Variants in MAGEB6B observed in about 807,000 individuals in gnomAD.
MAGEB6B encodes MAGE family member B6B, also known as melanoma-associated antigen B6B.
For missense variants in MAGEB6B, 277 were observed against 251.5 expected, an observed-to-expected ratio of 1.10 and a Z score of -0.69; for synonymous variants, 107 against 102.3, an observed-to-expected ratio of 1.05 and a Z score of -0.27.
At chrX:26,160,830 C>A in exon 1 of MAGEB6B, 1 of 615,993 alleles carries the variant, frequency 1.6e-6, no homozygotes, top group Non-Finnish European at 2.8e-6. Context: ...GATGCAGGTG[C>A]TTCATGCTCA....
exon 1 of MAGEB6B, chrX:26,160,664 C>T (rs749257518): frequency 1.7e-6 from 1 of 572,037 alleles, no homozygotes; most frequent in Non-Finnish European, 3.2e-6. Flanking sequence ...CCATGATCAG[C>T]CGCAAGGTCT....
exon 1 of MAGEB6B, chrX:26,161,242 G>A (rs765533141): frequency 2.7e-6 from 2 of 731,818 alleles, no homozygotes; most frequent in Non-Finnish European, 2.2e-6. Flanking sequence ...AGAAGAAAGA[G>A]CCCATTTTGA....
downstream of MAGEB6B, chrX:26,161,903 C>G (rs775643230): frequency 4.5e-4 from 452 of 1,000,427 alleles, no homozygotes; most frequent in Non-Finnish European, 5.9e-4. Context: ...CTAGGGAGGT[C>G]TGAAGTAGAA....
exon 1 of MAGEB6B, chrX:26,160,828 T>C: frequency 1.6e-6 from 1 of 627,956 alleles, no homozygotes; most frequent in Non-Finnish European, 2.8e-6. Context: ...CTGATGCAGG[T>C]GCTTCATGCT....
exon 1 of MAGEB6B, chrX:26,161,513 G>A: frequency 8.3e-7 from 1 of 1,210,177 alleles, no homozygotes; most frequent in Non-Finnish European, 1.1e-6. Context: ...TGCCACTGAA[G>A]AGGAGGTCTG....
chrX:26,161,753 G>A (rs371855458), exon 1 of MAGEB6B: 29 of 1,208,868 alleles, frequency 2.4e-5, no homozygotes, highest in Middle Eastern at 2.3e-4. Context: ...CACCAGTCCC[G>A]GTTTATACCC....
exon 1 of MAGEB6B, chrX:26,161,211 A>G (rs771990544): frequency 1.3e-6 from 1 of 751,500 alleles, no homozygotes; most frequent in Admixed American, 2.2e-5. Context: ...AAGATGGTGC[A>G]ATTCCTGCAG....
chrX:26,162,191 C>T (rs1321870622), downstream of MAGEB6B, among the ~76,000 whole-genome samples: 11 of 111,540 alleles, frequency 9.9e-5, no homozygotes, highest in East Asian at 3.1e-3. Context: ...AAATCATACA[C>T]CATTCATATT....
exon 1 of MAGEB6B, chrX:26,161,057 C>T (rs1396830332): frequency 3.6e-6 from 4 of 1,105,384 alleles, no homozygotes; most frequent in Non-Finnish European, 5.0e-6. Flanking sequence ...GGGAGCTTCA[C>T]CCACTGGCTC....
At chrX:26,161,945 C>A, downstream of MAGEB6B, 2 of 657,840 alleles carry the variant, frequency 3.0e-6, no homozygotes, top group Non-Finnish European at 2.4e-6. Flanking sequence ...GAGTAGTGAG[C>A]CTTCTAAGTA....
In MAGEB6B at chrX:26,160,914, A is replaced by T. The variant is rs749413944; in HGVS notation, c.314A>T (p.Glu105Val). 6.6e-6 allele frequency: 4 copies of T among 607,700 alleles called. No homozygotes were observed. In the Admixed American group the frequency reaches 8.9e-5, roughly 13 times the overall value. 50.1% of individuals were successfully genotyped at this position (607,700 alleles called of 1,213,427 possible). Reference sequence around the variant, plus strand: ...TCCCGTGATGCCTCCGTTTCTCAAGAGTCTCAGGGAGCTTCACCCATTGGC... The same window carrying T: ...TCCCGTGATGCCTCCGTTTCTCAAGTGTCTCAGGGAGCTTCACCCATTGGC... The change falls in exon 1 of 1, where the codon GAG (glutamate) becomes GTG (valine). Residue 105 changes from glutamate (E) to valine (V), a missense_variant. Physicochemically the swap from Glu to Val is moderately radical, Grantham distance 121. Transcript: ENST00000416929.
exon 1 of MAGEB6B, chrX:26,160,897 T>C (rs1273037249): frequency 1.7e-6 from 1 of 600,635 alleles, no homozygotes; most frequent in African/African-American, 2.2e-5. Flanking sequence ...CCTCCCGTGA[T>C]GCCTCCGTTT....
chrX:26,160,787 G>A (rs779672546), exon 1 of MAGEB6B: 4 of 604,412 alleles, frequency 6.6e-6, no homozygotes, highest in South Asian at 6.6e-5. Flanking sequence ...CGTTCCTCAG[G>A]AGTCTCAGGG....
downstream of MAGEB6B, among the ~76,000 whole-genome samples, chrX:26,162,135 G>T (rs1477930095): frequency 1.8e-5 from 2 of 111,700 alleles, no homozygotes; most frequent in Non-Finnish European, 3.8e-5. Flanking sequence ...CACATTCATG[G>T]CCGTTTAATC....
chrX:26,162,286 G>A (rs1257573008), downstream of MAGEB6B, among the ~76,000 whole-genome samples: 1 of 112,012 alleles, frequency 8.9e-6, no homozygotes, highest in Non-Finnish European at 1.9e-5. Context: ...TAAAATAGTT[G>A]ACATCATAAT....
chrX:26,161,984 A>G (rs1928697159), downstream of MAGEB6B, among the ~76,000 whole-genome samples: 2 of 112,409 alleles, frequency 1.8e-5, no homozygotes, highest in African/African-American at 3.2e-5. Context: ...TGGAGGGAAC[A>G]AGATATGTAT....
downstream of MAGEB6B, chrX:26,161,843 C>T (rs759054350): frequency 8.4e-6 from 10 of 1,184,022 alleles, no homozygotes; most frequent in Middle Eastern, 2.3e-4. Context: ...TGGCACTGTT[C>T]CCTTGGCCAG....
rs770455498 is a variant in MAGEB6B at position 26,161,207 on chromosome X, G to A, written c.607G>A (p.Val203Met). Residue 203 changes from valine to methionine, a missense_variant, in exon 1 of 1, where the codon GTG (valine) becomes ATG (methionine). By Grantham distance (21) the Val-to-Met change is conservative. Coordinates refer to ENST00000416929, the Ensembl canonical transcript of MAGEB6B. ...TATAAAAAGGAAGGCAAACAAGATG[G>A]TGCAATTCCTGCAGAAGAAGTTTGA... 5.3e-6 allele frequency: 4 copies of A among 750,661 alleles called. No homozygotes were observed. The South Asian group carries it at 8.3e-5, about 16-fold the overall frequency. 61.9% of individuals were successfully genotyped at this position (750,661 alleles called of 1,213,427 possible). A position where few individuals can be genotyped will look rare whatever the true frequency, so the allele number is the denominator to read the frequency against.
At chrX:26,160,806 C>A in exon 1 of MAGEB6B, 1 of 618,747 alleles carries the variant, frequency 1.6e-6, no homozygotes. Context: ...GGAGCTTCAC[C>A]CACTGGCTAT....
Sources: gnomAD v4.1 joint callset for allele counts (sites outside exome capture counted in the v4.1 genomes callset) on GRCh38, gnomAD v4.1.1 for gene constraint, MANE v1.5 for transcripts, NCBI Gene and HGNC (gene_info 2026-07-23, HGNC 2026-07-21) for gene names.